NRXN3: variants seen among roughly 807,000 people sequenced by gnomAD.
NRXN3 encodes neurexin 3.
Under a neutral mutation model 137.6 loss-of-function variants are expected in NRXN3, and 32 were observed. That is an observed-to-expected ratio of 0.23 (90% CI 0.18 to 0.31). NRXN3 has a LOEUF of 0.31. Ranked by LOEUF, NRXN3 falls within the 10% of genes least tolerant of loss-of-function variation. The pLI, the probability that NRXN3 is intolerant of heterozygous loss-of-function variation, is 1.00. For missense variants in NRXN3, 1,574 were observed against 2,062.5 expected, an observed-to-expected ratio of 0.76 and a Z score of 4.59; for synonymous variants, 798 against 784.5, an observed-to-expected ratio of 1.02 and a Z score of -0.29.
At chr14:78,585,755 A>T (rs892880647) in intron 4 of NRXN3, among the ~76,000 whole-genome samples, 2 of 152,064 alleles carry the variant, frequency 1.3e-5, no homozygotes, top group Non-Finnish European at 2.9e-5. Flanking sequence ...TAAGGCTGAG[A>T]GAGATGCAGT....
At chr14:79,851,637 G>A (rs937394770) in intron 20 of NRXN3, among the ~76,000 whole-genome samples, 1 of 152,160 alleles carries the variant, frequency 6.6e-6, no homozygotes, top group Non-Finnish European at 1.5e-5. Context: ...GCTCTCAAGT[G>A]TCTTGCCTTT....
chr14:78,935,322 C>T (rs991859863), intron 10 of NRXN3, among the ~76,000 whole-genome samples: 2 of 152,148 alleles, frequency 1.3e-5, no homozygotes, highest in African/African-American at 2.4e-5. Flanking sequence ...GCATCTGGCT[C>T]TGGAATTCCA....
At chr14:79,580,980 T>C (rs1280528451) in intron 16 of NRXN3, among the ~76,000 whole-genome samples, 2 of 152,282 alleles carry the variant, frequency 1.3e-5, no homozygotes, top group East Asian at 3.9e-4. Context: ...TTGGTTCTCT[T>C]CATCCAACTG....
In NRXN3 at chr14:78,937,925, T is replaced by G. The variant is rs527517729; in HGVS notation, c.2276-19317T>G. ...AAGTTGCCTTAGCAACCTACTAGCA[T>G]TAAGTTGCTTAAAGGAATGTGTGTT... On this transcript the variant is annotated intron_variant, in intron 10 of 20. Transcript: ENST00000335750. Among the ~76,000 whole-genome samples the G allele has an allele frequency of 2.0e-5, 3 of 152,336 alleles. No homozygotes were observed. In the East Asian group the frequency reaches 5.8e-4, roughly 29 times the overall value.
chr14:79,035,188 A>T (rs2099614072), intron 15 of NRXN3, among the ~76,000 whole-genome samples: 1 of 152,128 alleles, frequency 6.6e-6, no homozygotes, highest in Non-Finnish European at 1.5e-5. Context: ...TCAGAGGTAA[A>T]TTGAAAAATG....
intron 15 of NRXN3, among the ~76,000 whole-genome samples, chr14:79,223,473 C>G (rs926645104): frequency 3.9e-5 from 6 of 152,102 alleles, no homozygotes; most frequent in Admixed American, 3.9e-4. Flanking sequence ...CTGCCATCTT[C>G]TCTTTTAGAA....
intron 15 of NRXN3, among the ~76,000 whole-genome samples, chr14:79,295,473 T>G (rs192715774): frequency 6.4e-4 from 97 of 152,300 alleles, no homozygotes; most frequent in African/African-American, 2.3e-3. Flanking sequence ...CACTGTAGCT[T>G]GAATATCTCT....
At chr14:79,431,313 G>C (rs1316182091) in intron 15 of NRXN3, among the ~76,000 whole-genome samples, 1 of 152,116 alleles carries the variant, frequency 6.6e-6, no homozygotes, top group Admixed American at 6.6e-5. Context: ...GCAGAGACTT[G>C]ACCTATATGA....
intron 15 of NRXN3, among the ~76,000 whole-genome samples, chr14:79,401,509 G>A (rs1364692473): frequency 6.6e-6 from 1 of 152,170 alleles, no homozygotes. Context: ...TGTCCTAGGA[G>A]AACCACTGAC....
rs145020738 is a variant in NRXN3, at chr14:78,239,967, G to A, written c.-703-2424G>A. Among the ~76,000 whole-genome samples the A allele has an allele frequency of 2.9e-3, 442 of 152,316 alleles. 17 individuals are homozygous for A. In the East Asian group the frequency reaches 0.076, roughly 26 times the overall value. Reference sequence around the variant, plus strand: ...GATCCACCCACCTCGGCCTCCCAAAGTGCTGGGATTACAGGCGCAAGCCAC... The same window carrying A: ...GATCCACCCACCTCGGCCTCCCAAAATGCTGGGATTACAGGCGCAAGCCAC... On this transcript the variant is annotated intron_variant, in intron 1 of 20. Coordinates refer to ENST00000335750, the MANE Select transcript of NRXN3 (RefSeq NM_001330195.2).
Position 78,243,900 on chromosome 14 carries a change from G to A in NRXN3, c.709+98G>A. 1.1e-6 allele frequency: 1 copy of A among 885,842 alleles called. No homozygotes were observed. Among genetic ancestry groups the A allele is most frequent in the African/African-American group, 1.7e-5 (1 of 60,036 alleles). 54.9% of individuals were successfully genotyped at this position (885,842 alleles called of 1,614,324 possible). Reference sequence around the variant, plus strand: ...AGTTCTATATGGATGCATATCTTTAGCTGCATGTTAGATCACTGGGCCCCT... The same window carrying A: ...AGTTCTATATGGATGCATATCTTTAACTGCATGTTAGATCACTGGGCCCCT... On this transcript the variant is annotated intron_variant, in intron 2 of 20. Coordinates refer to ENST00000335750, the MANE Select transcript of NRXN3 (RefSeq NM_001330195.2). This position sits in a 1 kb window ranked among gnomAD's most constrained non-coding sequence, Gnocchi z 4.2.
At chr14:78,562,137 G>A (rs1465752920) in intron 4 of NRXN3, among the ~76,000 whole-genome samples, 6 of 152,120 alleles carry the variant, frequency 3.9e-5, no homozygotes, top group African/African-American at 1.2e-4. Context: ...GATGTCTCAC[G>A]CCTGTAATCC....
At chr14:79,173,289 T>A (rs1387768793) in intron 15 of NRXN3, among the ~76,000 whole-genome samples, 2 of 152,078 alleles carry the variant, frequency 1.3e-5, no homozygotes, top group African/African-American at 4.8e-5. Context: ...CAGCACTTTG[T>A]AAGGCCAATG....
intron 4 of NRXN3, among the ~76,000 whole-genome samples, chr14:78,464,838 C>T (rs137860509): frequency 7.3e-4 from 111 of 152,196 alleles, no homozygotes; most frequent in African/African-American, 2.6e-3. Context: ...AGTTTAGGGC[C>T]ATATACGTAA....
intron 16 of NRXN3, among the ~76,000 whole-genome samples, chr14:79,471,268 ACT>A (rs1005350347): frequency 1.3e-5 from 2 of 151,804 alleles, no homozygotes. Flanking sequence ...TCAGTGCCTC[ACT>A]CTCTCTCTTC....
At chr14:78,727,029 G>T (rs2098488218) in intron 8 of NRXN3, among the ~76,000 whole-genome samples, 1 of 148,868 alleles carries the variant, frequency 6.7e-6, no homozygotes, top group Non-Finnish European at 1.5e-5. Flanking sequence ...TCCAGAACAG[G>T]TCAAGCTAAA....
intron 15 of NRXN3, among the ~76,000 whole-genome samples, chr14:79,283,049 C>T (rs1374737022): frequency 1.3e-5 from 2 of 152,188 alleles, no homozygotes; most frequent in Non-Finnish European, 2.9e-5. Context: ...CTCATTCTTA[C>T]TTGGTGTACA....
chr14:79,448,619 T>C (rs1183730258), intron 15 of NRXN3, among the ~76,000 whole-genome samples: 1 of 152,204 alleles, frequency 6.6e-6, no homozygotes, highest in Non-Finnish European at 1.5e-5. Context: ...ACAGTGTGTG[T>C]AGCCATCCAT....
chr14:78,274,558 C>T (rs1409137974), intron 2 of NRXN3, among the ~76,000 whole-genome samples: 4 of 152,152 alleles, frequency 2.6e-5, no homozygotes, highest in African/African-American at 7.2e-5. Context: ...ACAGCAAAAC[C>T]GTATCAGGTT....
Sources: gnomAD v4.1 joint callset for allele counts (sites outside exome capture counted in the v4.1 genomes callset) on GRCh38, gnomAD v4.1.1 for gene constraint, Gnocchi (gnomAD v3.1) non-coding constraint, MANE v1.5 for transcripts, NCBI Gene and HGNC (gene_info 2026-07-23, HGNC 2026-07-21) for gene names.